ABCC1: variants seen among roughly 807,000 people sequenced by gnomAD.
ABCC1 encodes ATP binding cassette subfamily C member 1 (ABCC1 blood group).
ABCC1 carries 83 observed loss-of-function variants against 172.9 expected under a neutral mutation model. That is an observed-to-expected ratio of 0.48 (90% confidence interval 0.40 to 0.58). The LOEUF (loss-of-function observed/expected upper bound fraction) is 0.58, where lower values mean the gene tolerates loss of function less well. Among genes scored for constraint, ABCC1 ranks in the 20% least tolerant of loss-of-function variants. The probability of loss-of-function intolerance (pLI) is 0.00; values close to 1 mark genes in which losing one functional copy is unlikely to be tolerated. For missense variants in ABCC1, 1,817 were observed against 2,002.7 expected, an observed-to-expected ratio of 0.91 and a Z score of 1.77; for synonymous variants, 937 against 825.2, an observed-to-expected ratio of 1.14 and a Z score of -2.32.
chr16:15,971,341 G>A (rs2046363986), intron 1 of ABCC1, among the ~76,000 whole-genome samples: 1 of 152,176 alleles, frequency 6.6e-6, no homozygotes, highest in Admixed American at 6.5e-5. Flanking sequence ...GGAACATGTG[G>A]GGAAAGGGCA....
chr16:16,110,986 C>T (rs1270463762), intron 21 of ABCC1, among the ~76,000 whole-genome samples: 1 of 152,146 alleles, frequency 6.6e-6, no homozygotes, highest in African/African-American at 2.4e-5. Context: ...CTGCTTCTAC[C>T]TCTGCCTCCT....
chr16:15,960,996 G>C (rs1031036332), intron 1 of ABCC1, among the ~76,000 whole-genome samples: 1 of 133,912 alleles, frequency 7.5e-6, no homozygotes, highest in African/African-American at 2.8e-5. Flanking sequence ...TGAATGAAAC[G>C]CAGGTTTTTT....
intron 6 of ABCC1, among the ~76,000 whole-genome samples, chr16:16,034,659 C>G (rs1383684551): frequency 6.9e-6 from 1 of 145,202 alleles, no homozygotes; most frequent in African/African-American, 2.6e-5. Context: ...AGGACCTCAG[C>G]TCTCTGCAAC....
intron 30 of ABCC1, 150 bp from the exon 31 acceptor site, chr16:16,141,023 T>C: frequency 1.5e-6 from 1 of 652,212 alleles, no homozygotes; most frequent in Non-Finnish European, 2.7e-6. Context: ...GGATTGAGGG[T>C]GAGCAACCAG....
At chr16:16,092,113 C>T (rs1210330498) in intron 19 of ABCC1, among the ~76,000 whole-genome samples, 1 of 152,176 alleles carries the variant, frequency 6.6e-6, no homozygotes, top group Non-Finnish European at 1.5e-5. Context: ...TGGCGCACGC[C>T]TATAGGCCCA....
upstream of ABCC1, among the ~76,000 whole-genome samples, chr16:15,949,231 C>T (rs1040487687): frequency 1.3e-5 from 2 of 151,296 alleles, no homozygotes; most frequent in African/African-American, 4.8e-5. Context: ...AATGAGGGCA[C>T]AGTTAAGGCG....
intron 12 of ABCC1, among the ~76,000 whole-genome samples, chr16:16,058,200 G>A (rs1189574129): frequency 1.3e-5 from 2 of 152,180 alleles, no homozygotes; most frequent in African/African-American, 4.8e-5. Context: ...AGACCATACA[G>A]AGATGGACTT....
At chr16:16,122,282 C>T (rs547484558) in intron 24 of ABCC1, 108 bp downstream of exon 24, 194 of 1,242,622 alleles carry the variant, frequency 1.6e-4, no homozygotes, top group Admixed American at 6.1e-4. Context: ...AGCCAAACCC[C>T]GGCCTTGCAG....
intron 5 of ABCC1, among the ~76,000 whole-genome samples, chr16:16,023,593 A>G (rs901952475): frequency 3.3e-5 from 5 of 152,194 alleles, no homozygotes; most frequent in African/African-American, 1.2e-4. Flanking sequence ...GGGCTGAGCT[A>G]GAAAGAAACA....
At chr16:16,082,638 C>T (rs1272466221) in intron 16 of ABCC1, among the ~76,000 whole-genome samples, 1 of 152,154 alleles carries the variant, frequency 6.6e-6, no homozygotes, top group Non-Finnish European at 1.5e-5. Context: ...ATGTCCCAAA[C>T]TAGGTCAGTC....
At position 16,111,450 on chromosome 16, in the gene ABCC1, A is replaced by G. The variant is rs1488757097; in HGVS notation, c.2947A>G (p.Met983Val). 4 of 1,613,854 alleles carry G rather than the reference A, an allele frequency of 2.5e-6. No homozygotes were observed. The highest frequency in any genetic ancestry group is 2.5e-6 in the Non-Finnish European group (3 of 1,179,996). ...CTCCTTCCTCAGCATCTTCCTTTTC[A>G]TGTGTAACCATGTGTCCGCGCTGGC... ...FISFLSIFLF[M>V]CNHVSALASN... Residue 983 changes from methionine (M) to valine (V), a missense_variant, in exon 22 of 31, where the codon ATG (methionine) becomes GTG (valine). By Grantham distance (21) the Met-to-Val change is conservative. Coordinates refer to ENST00000399410, the MANE Select transcript of ABCC1 (RefSeq NM_004996.4).
At chr16:16,055,915 A>T (rs1392801285) in intron 11 of ABCC1, among the ~76,000 whole-genome samples, 177 bp from the exon 12 acceptor site, 1 of 151,768 alleles carries the variant, frequency 6.6e-6, no homozygotes, top group Non-Finnish European at 1.5e-5. Context: ...GTTTGAGACC[A>T]GCCTGGGCAG....
chr16:15,956,752 G>A (rs1335365529), intron 1 of ABCC1, among the ~76,000 whole-genome samples: 1 of 152,174 alleles, frequency 6.6e-6, no homozygotes, highest in African/African-American at 2.4e-5. Context: ...TTAAGTGGAA[G>A]TGGATCATCA....
At chr16:16,027,496 T>C (rs755154509) in intron 5 of ABCC1, among the ~76,000 whole-genome samples, 1 of 152,188 alleles carries the variant, frequency 6.6e-6, no homozygotes, top group Non-Finnish European at 1.5e-5. Context: ...ACTTGAGCTT[T>C]ATTGATGTAT....
chr16:16,008,943 T>TTG (rs10689852), intron 2 of ABCC1, among the ~76,000 whole-genome samples: 57,608 of 145,708 alleles, frequency 0.4, 12,851 homozygotes, highest in Non-Finnish European at 0.52. Flanking sequence ...TTTTTTTTTT[T>TTG]TTGTTGTTGT....
chr16:16,095,569 C>T (rs3851715), intron 19 of ABCC1, among the ~76,000 whole-genome samples: 123,392 of 152,208 alleles, frequency 0.81, 50,184 homozygotes, highest in Non-Finnish European at 0.85. Flanking sequence ...CAAAGCACCA[C>T]GAGCAAGAAA....
rs770868157 is a variant in ABCC1, at chr16:16,141,259, C to T, written c.4574C>T (p.Ala1525Val). The T allele has an allele frequency of 6.2e-7, 1 of 1,614,032 alleles. No homozygotes were observed. The highest frequency in any genetic ancestry group is 1.1e-5 in the South Asian group (1 of 91,086). The change falls in exon 31 of 31, where the codon GCC (alanine) becomes GTC (valine). Residue 1525 changes from alanine (A) to valine (V), a missense_variant. Ala to Val is a moderately conservative substitution (Grantham distance 64). Transcript: ENST00000399410. ...LQQRGLFYSM[A>V]KDAGLV Reference sequence around the variant, plus strand: ...CAGAGAGGTCTTTTCTACAGCATGGCCAAAGACGCCGGCTTGGTGTGAGCC... The same window carrying T: ...CAGAGAGGTCTTTTCTACAGCATGGTCAAAGACGCCGGCTTGGTGTGAGCC...
chr16:16,046,405 C>CA (rs1271928381), intron 9 of ABCC1, among the ~76,000 whole-genome samples: 1 of 151,966 alleles, frequency 6.6e-6, no homozygotes, highest in African/African-American at 2.4e-5. Context: ...AGTGCAGTGG[C>CA]ATGATATTGG....
chr16:16,103,662 C>T (rs1032808159), intron 20 of ABCC1, among the ~76,000 whole-genome samples: 5 of 152,154 alleles, frequency 3.3e-5, no homozygotes, highest in African/African-American at 4.8e-5. Flanking sequence ...GGAGCCTAAA[C>T]GTATCAGACC....
Sources: gnomAD v4.1 joint callset for allele counts (sites outside exome capture counted in the v4.1 genomes callset) on GRCh38, gnomAD v4.1.1 for gene constraint, MANE v1.5 for transcripts, NCBI Gene and HGNC (gene_info 2026-07-23, HGNC 2026-07-21) for gene names.